Variants in SMTNL1 observed in about 807,000 individuals in gnomAD.
SMTNL1 encodes the protein smoothelin-like protein 1.
A neutral mutation model predicts 46.6 loss-of-function variants in SMTNL1; 41 were observed. That is an observed-to-expected ratio of 0.88 (90% CI 0.69 to 1.14). SMTNL1 has a LOEUF of 1.14. Ranked by LOEUF, SMTNL1 falls within the 50% of genes most tolerant of loss-of-function variation. The pLI is 0.00. For synonymous variants in SMTNL1, 234 were observed against 234.2 expected, an observed-to-expected ratio of 1.00 and a Z score of 0.01; for missense variants, 591 against 626.1, an observed-to-expected ratio of 0.94 and a Z score of 0.60.
chr11:57,548,548 T>A (rs1014415708), intron 7 of SMTNL1, among the ~76,000 whole-genome samples: 7 of 152,214 alleles, frequency 4.6e-5, no homozygotes, highest in Middle Eastern at 3.4e-3. Flanking sequence ...CACACACCTG[T>A]AATCCCAGCT....
Position 57,541,694 on chromosome 11 carries a change from C to T in SMTNL1, c.-2-947C>T, listed in dbSNP as rs955048110. The stretch of plus-strand genomic sequence containing the variant: ...TTCCCAAATTTCAGCCATTTTTATA[C>T]ACCACCTCTATAATTTTGCTACATC... On this transcript the variant is annotated intron_variant, in intron 1 of 7. Transcript: ENST00000527972. The T allele has an allele frequency of 1.0e-4, 73 of 730,344 alleles. No homozygotes were observed. In the Admixed American group the frequency reaches 1.5e-3, roughly 15 times the overall value. 45.2% of individuals were successfully genotyped at this position (730,344 alleles called of 1,614,324 possible). A position where few individuals can be genotyped will look rare whatever the true frequency, so the allele number is the denominator to read the frequency against.
At chr11:57,538,030 A>T (rs1565153114) in intron 1 of SMTNL1, among the ~76,000 whole-genome samples, 1 of 147,638 alleles carries the variant, frequency 6.8e-6, no homozygotes, top group Non-Finnish European at 1.5e-5. Flanking sequence ...ACATTATGAG[A>T]TTTTTTTTTT....
At chr11:57,540,021 C>G (rs1164740766) in intron 1 of SMTNL1, among the ~76,000 whole-genome samples, 1 of 151,980 alleles carries the variant, frequency 6.6e-6, no homozygotes, top group African/African-American at 2.4e-5. Flanking sequence ...TGTGTTAGAC[C>G]AGCATTTGCC....
In SMTNL1 at chr11:57,546,453, A is replaced by T. The variant is rs769329207; in HGVS notation, c.1189-48A>T. 1.9e-6 allele frequency: 3 copies of T among 1,610,576 alleles called. No individual in the cohort carries two copies. In the African/African-American group the frequency reaches 4.0e-5, roughly 22 times the overall value. ...GTGGGAAGGGGGCCAAGTCCAGGCC[A>T]TCTGGCTGAGCCTCACTGAGGCCTC... On this transcript the variant is annotated intron_variant, in intron 6 of 7. Transcript: ENST00000527972.
rs1405559730 is a variant in SMTNL1 at position 57,542,655 on chromosome 11, G to T, written c.13G>T (p.Glu5Ter). 6.2e-7 allele frequency: 1 copy of T among 1,608,086 alleles called. No homozygotes were observed. Among genetic ancestry groups the T allele is most frequent in the South Asian group, 1.1e-5 (1 of 90,438 alleles). Residue 5 changes from glutamate to a stop codon, truncating the protein, a stop_gained, in exon 2 of 8, where the codon GAA becomes TAA. Coordinates refer to ENST00000527972, the MANE Select transcript of SMTNL1 (RefSeq NM_001105565.3). LOFTEE classifies it high-confidence loss of function. ...TCTCTTTCCAGAGATGGAGCAGAAG[G>T]AAGGGAAGCTCTCTGAGGATGGGAC... MEQK[E>*]GKLSEDGTTV...
intron 7 of SMTNL1, among the ~76,000 whole-genome samples, chr11:57,548,451 C>T (rs575436400): frequency 1.1e-4 from 16 of 152,286 alleles, no homozygotes; most frequent in Non-Finnish European, 1.9e-4. Context: ...GTGGGGATCA[C>T]TTGAGGTCAG....
chr11:57,550,214 C>A lies in SMTNL1; in HGVS notation c.*102C>A. 1 of 1,277,970 alleles carries A rather than the reference C, an allele frequency of 7.8e-7. No homozygotes were observed. Among genetic ancestry groups the A allele is most frequent in the South Asian group, 1.5e-5 (1 of 66,218 alleles). The allele number at this position is 1,277,970 out of a possible 1,614,324, so 79.2% of individuals were successfully genotyped here. The stretch of plus-strand genomic sequence containing the variant: ...TCCATGGAGGCACCAGAGCCAGGGG[C>A]TTAGGCAAGGGTGTGTGGCGTTGGT... On this transcript the variant is annotated 3_prime_UTR_variant, in exon 8 of 8. Coordinates refer to ENST00000527972, the MANE Select transcript of SMTNL1 (RefSeq NM_001105565.3).
chr11:57,550,121 C>T lies in SMTNL1; in HGVS notation c.*9C>T. On this transcript the variant is annotated 3_prime_UTR_variant, in exon 8 of 8. Transcript: ENST00000527972. ...AGACCAAGAAGAAGTGAGGAGGTGACTGGCTCTGTGGGCAGAGATGGGCAG... is the reference window on the plus strand; with the variant it reads ...AGACCAAGAAGAAGTGAGGAGGTGATTGGCTCTGTGGGCAGAGATGGGCAG... 6.2e-7 allele frequency: 1 copy of T among 1,608,500 alleles called. No homozygotes were observed. Among genetic ancestry groups the T allele is most frequent in the Admixed American group, 1.7e-5 (1 of 59,196 alleles).
Position 57,546,342 on chromosome 11 carries a change from T to C in SMTNL1, c.1183T>C (p.Tyr395His). ...GTGGTGCCGAGCCATGACAAAAAAA[T>C]ACGAGGTGGGCATGGGGCAGAGCTG... ...LEWCRAMTKK[Y>H]EHVDIQNFSS... Residue 395 changes from tyrosine to histidine, a missense_variant, in exon 6 of 8, where the codon TAC (tyrosine) becomes CAC (histidine). Physicochemically the swap from Tyr to His is moderately conservative, Grantham distance 83. Coordinates refer to ENST00000527972, the MANE Select transcript of SMTNL1 (RefSeq NM_001105565.3). 6.3e-7 allele frequency: 1 copy of C among 1,589,634 alleles called. No individual in the cohort carries two copies. The highest frequency in any genetic ancestry group is 8.5e-7 in the Non-Finnish European group (1 of 1,169,874).
intron 1 of SMTNL1, among the ~76,000 whole-genome samples, chr11:57,541,721 G>T (rs1482772928): frequency 6.6e-6 from 1 of 152,098 alleles, no homozygotes; most frequent in African/African-American, 2.4e-5. Context: ...TGCTACATCT[G>T]CACTGCCTAT....
chr11:57,546,712 CAG>C, intron 7 of SMTNL1, 60 bp downstream of exon 7: 1 of 1,568,804 alleles, frequency 6.4e-7, no homozygotes, highest in Non-Finnish European at 8.7e-7. Context: ...ACTGGATTCA[CAG>C]GGGTTGAGTA....
At chr11:57,541,008 G>A (rs182935118) in intron 1 of SMTNL1, among the ~76,000 whole-genome samples, 26 of 152,124 alleles carry the variant, frequency 1.7e-4, no homozygotes, top group Non-Finnish European at 2.5e-4. Context: ...CATGCCCGGC[G>A]TCATCTTCCC....
In SMTNL1 at chr11:57,542,823, G is replaced by A. The variant is rs769838214; in HGVS notation, c.181G>A (p.Gly61Ser). The A allele has an allele frequency of 6.2e-6, 10 of 1,613,566 alleles. No homozygotes were observed. The Admixed American group carries it at 8.3e-5, about 13-fold the overall frequency. Reference protein sequence around the residue: ...GKQEKAPAEDGMSAELQGEAN... With the variant: ...GKQEKAPAEDSMSAELQGEAN... The stretch of plus-strand genomic sequence containing the variant: ...GCAGGAAAAGGCACCAGCCGAGGAC[G>A]GCATGTCAGCAGAACTCCAGGGGGA... Residue 61 changes from glycine to serine, a missense_variant, in exon 2 of 8, where the codon GGC (glycine) becomes AGC (serine). Gly to Ser is a moderately conservative substitution (Grantham distance 56). Coordinates refer to ENST00000527972, the MANE Select transcript of SMTNL1 (RefSeq NM_001105565.3).
At position 57,545,960 on chromosome 11, in the gene SMTNL1, C is replaced by G. The variant is rs369115170; in HGVS notation, c.997C>G (p.Arg333Gly). Residue 333 changes from arginine (R) to glycine (G), a missense_variant, in exon 5 of 8, where the codon CGC (arginine) becomes GGC (glycine). Arg to Gly is a moderately radical substitution (Grantham distance 125). Coordinates refer to ENST00000527972, the MANE Select transcript of SMTNL1 (RefSeq NM_001105565.3). ...SGEKKEKAPE[R>G]RVSAPARPRG... is the part of the protein sequence containing the mutation. Reference sequence around the variant, plus strand: ...GGAGAAGAAGGAGAAGGCACCAGAGCGCAGGGTATCAGCCCCTGCTCGGCC... The same window carrying G: ...GGAGAAGAAGGAGAAGGCACCAGAGGGCAGGGTATCAGCCCCTGCTCGGCC... 1.2e-6 allele frequency: 2 copies of G among 1,613,450 alleles called. No homozygotes were observed. The highest frequency in any genetic ancestry group is 2.2e-5 in the East Asian group (1 of 44,860).
chr11:57,545,221 T>C (rs921343575), intron 4 of SMTNL1, among the ~76,000 whole-genome samples: 4 of 152,100 alleles, frequency 2.6e-5, no homozygotes, highest in Admixed American at 6.6e-5. Flanking sequence ...CCTTCTTACA[T>C]AGGGCAGGTA....
intron 1 of SMTNL1, chr11:57,541,601 G>GC: frequency 1.5e-6 from 2 of 1,357,354 alleles, no homozygotes; most frequent in Non-Finnish European, 2.0e-6. Flanking sequence ...CCTTGCCCAG[G>GC]CCCACCTTTT....
Position 57,543,002 on chromosome 11 carries a change from T to C in SMTNL1, c.360T>C (p.Ser120=). Reference sequence around the variant, plus strand: ...CTGGCAGGAAAGAAGAGACCAAATCTGAACCCAAAGAGGCTGAGGAAAAGG... The same window carrying C: ...CTGGCAGGAAAGAAGAGACCAAATCCGAACCCAAAGAGGCTGAGGAAAAGG... The part of the protein sequence containing the change: ...EMTGRKEETK[S]EPKEAEEKES... Residue 120 remains serine (S), a synonymous_variant, in exon 2 of 8, where the codon TCT becomes TCC. Transcript: ENST00000527972. 3 of 1,602,134 alleles carry C rather than the reference T, an allele frequency of 1.9e-6. No individual in the cohort carries two copies. Among genetic ancestry groups the C allele is most frequent in the Non-Finnish European group, 2.6e-6 (3 of 1,174,386 alleles).
At chr11:57,547,149 A>G (rs370721898) in intron 7 of SMTNL1, among the ~76,000 whole-genome samples, 7 of 152,126 alleles carry the variant, frequency 4.6e-5, no homozygotes, top group East Asian at 1.9e-4. Context: ...AAAAATTACA[A>G]TTTTAAAAAA....
chr11:57,542,625 T>G lies in SMTNL1; in HGVS notation c.-2-16T>G, dbSNP rs766374041. The G allele has an allele frequency of 1.3e-6, 2 of 1,586,674 alleles. No individual in the cohort carries two copies. The highest frequency in any genetic ancestry group is 1.3e-5 in the African/African-American group (1 of 74,292). Reference sequence around the variant, plus strand: ...GGGCTGGGGCATGACCAGGTCTGCTTGTCTTCTCTTTCCAGAGATGGAGCA... The same window carrying G: ...GGGCTGGGGCATGACCAGGTCTGCTGGTCTTCTCTTTCCAGAGATGGAGCA... On this transcript the variant is annotated splice_polypyrimidine_tract_variant and intron_variant, in intron 1 of 7. Transcript: ENST00000527972.
Sources: allele counts gnomAD v4.1 joint callset (sites outside exome capture counted in the v4.1 genomes callset), GRCh38; gene constraint gnomAD v4.1.1; transcripts MANE v1.5; gene names NCBI Gene and HGNC (gene_info 2026-07-23, HGNC 2026-07-21).